Variants in C19orf18 observed in about 807,000 individuals in gnomAD.
C19orf18 encodes the protein uncharacterized protein C19orf18.
A neutral mutation model predicts 23.3 loss-of-function variants in C19orf18; 21 were observed. The observed-to-expected ratio is 0.90, with a 90% CI of 0.64 to 1.30. The LOEUF (loss-of-function observed/expected upper bound fraction) is 1.30, where lower values mean the gene tolerates loss of function less well. C19orf18 is among the 50% of genes most tolerant of loss of function. C19orf18 has a pLI of 0.00. For missense variants in C19orf18, 249 were observed against 259.6 expected, an observed-to-expected ratio of 0.96 and a Z score of 0.28; for synonymous variants, 96 against 95.2, an observed-to-expected ratio of 1.01 and a Z score of -0.05.
chr19:57,966,726 G>A, intron 3 of C19orf18, 94 bp from the exon 4 acceptor site: 1 of 777,700 alleles, frequency 1.3e-6, no homozygotes, highest in South Asian at 1.7e-5. Context: ...GGGAATGGAA[G>A]TCAAAACCAG....
chr19:57,969,566 GAAAAAAAAAAAAAAA>G (rs59100128), intron 3 of C19orf18, among the ~76,000 whole-genome samples: 6 of 46,502 alleles, frequency 1.3e-4, no homozygotes, highest in East Asian at 1.2e-3. Flanking sequence ...AAAAAAAACA[GAAAAAAAAAAAAAAA>G]AAAAAAAAAA....
At position 57,958,969 on chromosome 19, in the gene C19orf18, A is replaced by G. The variant is rs191502781; in HGVS notation, c.533-252T>C. ...AAGAATGTAGAAAATTTATAATCCA[A>G]TGTGGTAAAGAGACATTGGGAAAAT... On this transcript the variant is annotated intron_variant, in intron 5 of 5. Coordinates refer to ENST00000314391, the MANE Select transcript of C19orf18 (RefSeq NM_152474.5). Among the ~76,000 whole-genome samples the G allele has an allele frequency of 6.6e-5, 10 of 152,302 alleles. No homozygotes were observed. In the East Asian group the frequency reaches 1.7e-3, roughly 26 times the overall value.
At chr19:57,962,604 C>T (rs906529653) in intron 4 of C19orf18, among the ~76,000 whole-genome samples, 1 of 152,100 alleles carries the variant, frequency 6.6e-6, no homozygotes, top group East Asian at 1.9e-4. Flanking sequence ...GCCAGTAATC[C>T]CAGCACTTTG....
At chr19:57,962,671 CA>C (rs2072881780) in intron 4 of C19orf18, among the ~76,000 whole-genome samples, 1 of 152,102 alleles carries the variant, frequency 6.6e-6, no homozygotes, top group African/African-American at 2.4e-5. Context: ...GCCTGACCAA[CA>C]TGGAGAAACC....
intron 5 of C19orf18, among the ~76,000 whole-genome samples, chr19:57,960,223 G>A (rs142644894): frequency 0.012 from 1,830 of 151,932 alleles, 40 homozygotes; most frequent in African/African-American, 0.042. Context: ...TCAGGAGATC[G>A]AGACCATCCT....
At chr19:57,967,770 G>A (rs913307548) in intron 3 of C19orf18, among the ~76,000 whole-genome samples, 1 of 150,984 alleles carries the variant, frequency 6.6e-6, no homozygotes, top group Admixed American at 6.6e-5. Context: ...AAAAACTTTG[G>A]GAGGCAAGGC....
Position 57,961,404 on chromosome 19 carries a change from C to A in C19orf18, c.519G>T (p.Lys173Asn). ...LLPENENELEKFIHSVIISKR... is the reference protein window; with the variant it reads ...LLPENENELENFIHSVIISKR... ...AGGTCACACTACCTGAGTGGATGAA[C>A]TTTTCCAGCTCATTTTCGTTCTCTG... The change falls in exon 5 of 6, where the codon AAG (lysine) becomes AAT (asparagine). Residue 173 changes from lysine to asparagine, a missense_variant. Transcript: ENST00000314391. 6.2e-7 allele frequency: 1 copy of A among 1,613,512 alleles called. No individual in the cohort carries two copies. The highest frequency in any genetic ancestry group is 8.5e-7 in the Non-Finnish European group (1 of 1,179,810).
intron 4 of C19orf18, 55 bp from the exon 5 acceptor site, chr19:57,961,606 T>C (rs991338160): frequency 1.3e-6 from 2 of 1,584,702 alleles, no homozygotes; most frequent in Non-Finnish European, 1.7e-6. Flanking sequence ...GAATAATTCA[T>C]TTCTCAACCA....
chr19:57,967,261 G>A (rs1053909873), intron 3 of C19orf18, among the ~76,000 whole-genome samples: 7 of 152,080 alleles, frequency 4.6e-5, no homozygotes, highest in Admixed American at 1.3e-4. Flanking sequence ...ATTATTTTGG[G>A]GAACTTTGTA....
rs531784825 is a variant in C19orf18, at chr19:57,958,444, A to G, written c.*158T>C. ...AGAGCCAATAAGCAAGAGTTGCTAT[A>G]TCATGTGGCTTTATTTTCTGGGATA... On this transcript the variant is annotated 3_prime_UTR_variant, in exon 6 of 6. Transcript: ENST00000314391. 2 of 554,470 alleles carry G rather than the reference A, an allele frequency of 3.6e-6. No homozygotes were observed. The highest frequency in any genetic ancestry group is 6.3e-6 in the Non-Finnish European group (2 of 316,468). The allele number at this position is 554,470 out of a possible 1,614,324, so 34.3% of individuals were successfully genotyped here. A position where few individuals can be genotyped will look rare whatever the true frequency, so the allele number is the denominator to read the frequency against.
At chr19:57,974,263 CA>C in intron 1 of C19orf18, 48 bp downstream of exon 1, 1 of 1,613,614 alleles carries the variant, frequency 6.2e-7, no homozygotes, top group Non-Finnish European at 8.5e-7. Flanking sequence ...TCCCCTGAAA[CA>C]GCTTTTCAAT....
At position 57,958,593 on chromosome 19, in the gene C19orf18, C is replaced by T. The variant is rs376183391; in HGVS notation, c.*9G>A. ...CCTCTGCCTCAGCCGGCACCTCTGT[C>T]GTCTGCGTTCACAAGTCTTCCATTT... On this transcript the variant is annotated 3_prime_UTR_variant, in exon 6 of 6. Coordinates refer to ENST00000314391, the MANE Select transcript of C19orf18 (RefSeq NM_152474.5). 1.2e-5 allele frequency: 18 copies of T among 1,564,776 alleles called. No individual in the cohort carries two copies. The highest frequency in any genetic ancestry group is 1.4e-5 in the African/African-American group (1 of 73,490).
intron 4 of C19orf18, 87 bp downstream of exon 4, chr19:57,966,440 TATC>T: frequency 9.6e-6 from 8 of 831,192 alleles, no homozygotes; most frequent in Non-Finnish European, 1.5e-5. Context: ...TTATAAGATG[TATC>T]ATCATCATCC....
chr19:57,970,355 T>C (rs919032967), intron 3 of C19orf18, among the ~76,000 whole-genome samples: 1 of 152,238 alleles, frequency 6.6e-6, no homozygotes, highest in Non-Finnish European at 1.5e-5. Flanking sequence ...TGGAAAATGT[T>C]ACAATCCTGC....
At chr19:57,972,680 T>G (rs1254996815) in intron 2 of C19orf18, among the ~76,000 whole-genome samples, 176 bp from the exon 3 acceptor site, 1 of 152,164 alleles carries the variant, frequency 6.6e-6, no homozygotes, top group Non-Finnish European at 1.5e-5. Context: ...AATGTGTGGG[T>G]TAATTTGCAG....
At chr19:57,964,592 C>T (rs933522963) in intron 4 of C19orf18, among the ~76,000 whole-genome samples, 1 of 152,156 alleles carries the variant, frequency 6.6e-6, no homozygotes, top group Non-Finnish European at 1.5e-5. Context: ...TATACATTTA[C>T]ATAAATTAAG....
chr19:57,972,308 G>A (rs967265166), intron 3 of C19orf18, among the ~76,000 whole-genome samples, 155 bp downstream of exon 3: 21 of 152,192 alleles, frequency 1.4e-4, no homozygotes, highest in African/African-American at 3.9e-4. Flanking sequence ...GTGTCACTGC[G>A]CATCCCCCTC....
intron 5 of C19orf18, among the ~76,000 whole-genome samples, chr19:57,959,061 G>A (rs553469665): frequency 3.9e-4 from 60 of 152,350 alleles, no homozygotes; most frequent in South Asian, 3.3e-3. Flanking sequence ...TGCTGTGGCT[G>A]TTCTGCCTCT....
chr19:57,959,794 C>CAAAAAAAA (rs35485603), intron 5 of C19orf18, among the ~76,000 whole-genome samples: 1 of 99,302 alleles, frequency 1.0e-5, no homozygotes, highest in East Asian at 3.0e-4. Flanking sequence ...AACTCTGCCT[C>CAAAAAAAA]AAAAAAAAAA....
Sources: gnomAD v4.1 joint callset for allele counts (sites outside exome capture counted in the v4.1 genomes callset) on GRCh38, gnomAD v4.1.1 for gene constraint, MANE v1.5 for transcripts, NCBI Gene and HGNC (gene_info 2026-07-23, HGNC 2026-07-21) for gene names.